Variants in PPP1R12B observed in about 807,000 individuals in gnomAD.
PPP1R12B encodes myosin phosphatase target subunit 2.
In PPP1R12B, 76 loss-of-function variants were observed where a neutral mutation model predicts 126.1. The observed-to-expected ratio is 0.60, with a 90% CI of 0.50 to 0.73. PPP1R12B has a LOEUF of 0.73. Among genes scored for constraint, PPP1R12B ranks in the 30% least tolerant of loss-of-function variants. The pLI is 0.00. For synonymous variants in PPP1R12B, 356 were observed against 434.7 expected (o/e 0.82, Z 2.25); for missense variants, 1,052 against 1,205.1 (o/e 0.87, Z 1.88).
intron 13 of PPP1R12B, among the ~76,000 whole-genome samples, chr1:202,467,221 T>TC (rs994390995): frequency 2.1e-5 from 3 of 139,976 alleles, no homozygotes; most frequent in East Asian, 2.1e-4. Context: ...TGTCTCTCTC[T>TC]TTTTTTTTTT....
At chr1:202,536,154 A>G (rs1174175805) in intron 18 of PPP1R12B, among the ~76,000 whole-genome samples, 1 of 152,202 alleles carries the variant, frequency 6.6e-6, no homozygotes, top group Non-Finnish European at 1.5e-5. Flanking sequence ...AGATAGTAAT[A>G]TGGTCACGAG....
chr1:202,436,832 C>T (rs1031650354), intron 9 of PPP1R12B, among the ~76,000 whole-genome samples: 4 of 151,798 alleles, frequency 2.6e-5, no homozygotes, highest in Admixed American at 2.0e-4. Flanking sequence ...AAAAAGATAG[C>T]AACCCTTTGA....
intron 5 of PPP1R12B, among the ~76,000 whole-genome samples, chr1:202,427,982 T>G (rs529712160): frequency 6.6e-6 from 1 of 151,882 alleles, no homozygotes; most frequent in African/African-American, 2.4e-5. Context: ...TTTTTTTTTT[T>G]TTTTAATGGT....
At chr1:202,467,236 A>G (rs1234696492) in intron 13 of PPP1R12B, among the ~76,000 whole-genome samples, 3 of 141,392 alleles carry the variant, frequency 2.1e-5, no homozygotes, top group Non-Finnish European at 4.6e-5. Context: ...TTTTTTTTTT[A>G]ATTATACTTT....
chr1:202,427,681 G>A (rs1010043830), intron 5 of PPP1R12B, among the ~76,000 whole-genome samples: 40 of 152,134 alleles, frequency 2.6e-4, no homozygotes, highest in African/African-American at 9.4e-4. Context: ...GTCTCGCTCT[G>A]TTGCCCAGGC....
intron 13 of PPP1R12B, among the ~76,000 whole-genome samples, chr1:202,449,641 A>G (rs1378592908): frequency 2.0e-5 from 3 of 151,930 alleles, no homozygotes; most frequent in Non-Finnish European, 4.4e-5. Context: ...TGGTGACTCA[A>G]TTATTTATGA....
chr1:202,480,582 T>C (rs190474185), intron 13 of PPP1R12B, among the ~76,000 whole-genome samples: 26 of 152,314 alleles, frequency 1.7e-4, no homozygotes, highest in Admixed American at 2.6e-4. Context: ...AATTTAAACT[T>C]TCAAGCAGAA....
At chr1:202,439,276 T>C in intron 10 of PPP1R12B, 3 of 1,424,312 alleles carry the variant, frequency 2.1e-6, no homozygotes, top group Non-Finnish European at 3.0e-6. Context: ...GGCAAGATAC[T>C]GGCCCAGCAG....
chr1:202,556,733 T>A (rs1443897715), intron 18 of PPP1R12B, among the ~76,000 whole-genome samples: 1 of 152,192 alleles, frequency 6.6e-6, no homozygotes, highest in South Asian at 2.1e-4. Context: ...CCTGGTTCTG[T>A]CGTGCAACTT....
intron 18 of PPP1R12B, among the ~76,000 whole-genome samples, chr1:202,499,993 GA>G (rs1294307811): frequency 6.6e-6 from 1 of 152,200 alleles, no homozygotes; most frequent in Non-Finnish European, 1.5e-5. Context: ...AGGATATAGA[GA>G]AAAAGAAACT....
chr1:202,549,109 AAT>A (rs914459985), intron 18 of PPP1R12B, among the ~76,000 whole-genome samples: 1 of 152,148 alleles, frequency 6.6e-6, no homozygotes, highest in Non-Finnish European at 1.5e-5. Context: ...AAAGTGGAAG[AAT>A]CAAAGAAAGC....
chr1:202,580,675 C>A lies in PPP1R12B; in HGVS notation c.*115C>A. The stretch of plus-strand genomic sequence containing the variant: ...TGGATGTTTTGGTGGAAGGACACTT[C>A]TTTCTATCACCCTCTTCAGTCACCT... On this transcript the variant is annotated 3_prime_UTR_variant, in exon 24 of 24. Transcript: ENST00000608999. 1.2e-6 allele frequency: 1 copy of A among 818,694 alleles called. No homozygotes were observed. The highest frequency in any genetic ancestry group is 1.5e-5 in the South Asian group (1 of 66,034). 50.7% of individuals were successfully genotyped at this position (818,694 alleles called of 1,614,324 possible). A position where few individuals can be genotyped will look rare whatever the true frequency, so the allele number is the denominator to read the frequency against.
At position 202,438,501 on chromosome 1, in the gene PPP1R12B, C is replaced by T; in HGVS notation, c.1458+477C>T. ...TGGATGGGGTGGAGGATGCAGAGGG[C>T]GAGGAGGAAGATGACCTGAAAGAGC... is the stretch of plus-strand genomic sequence containing the variant. On this transcript the variant is annotated intron_variant, in intron 10 of 23. Coordinates refer to ENST00000608999, the MANE Select transcript of PPP1R12B (RefSeq NM_002481.4). 9 of 405,444 alleles carry T rather than the reference C, an allele frequency of 2.2e-5. 1 individual carries two copies. The highest frequency in any genetic ancestry group is 3.8e-5 in the Non-Finnish European group (8 of 212,114). The allele number at this position is 405,444 out of a possible 1,614,324, so 25.1% of individuals were successfully genotyped here.
intron 1 of PPP1R12B, among the ~76,000 whole-genome samples, chr1:202,378,278 T>C: frequency 6.7e-6 from 1 of 149,594 alleles, no homozygotes; most frequent in Non-Finnish European, 1.5e-5. Context: ...TGGTCTTTAT[T>C]CTTAAAAATG....
chr1:202,464,175 G>C (rs1328141276), intron 13 of PPP1R12B, among the ~76,000 whole-genome samples: 3 of 152,064 alleles, frequency 2.0e-5, no homozygotes, highest in African/African-American at 7.2e-5. Context: ...ACTGTCTTAG[G>C]ATTGGTTTAC....
intron 13 of PPP1R12B, among the ~76,000 whole-genome samples, chr1:202,451,959 G>T (rs1673011731): frequency 6.6e-6 from 1 of 151,922 alleles, no homozygotes; most frequent in Non-Finnish European, 1.5e-5. Flanking sequence ...CGGGGCGGCT[G>T]CTGGGCGGAG....
At chr1:202,398,799 A>G (rs901805517) in intron 1 of PPP1R12B, among the ~76,000 whole-genome samples, 2 of 151,960 alleles carry the variant, frequency 1.3e-5, no homozygotes, top group African/African-American at 2.4e-5. Context: ...CTGAAAAAGC[A>G]TACTTCTCTC....
chr1:202,376,954 A>G (rs1661265625), intron 1 of PPP1R12B, among the ~76,000 whole-genome samples: 1 of 152,164 alleles, frequency 6.6e-6, no homozygotes, highest in Non-Finnish European at 1.5e-5. Context: ...TTCTTAAAAC[A>G]TTATGAGATT....
At chr1:202,548,808 C>CTCTCTCTCTA (rs1218548068) in intron 18 of PPP1R12B, among the ~76,000 whole-genome samples, 13 of 72,992 alleles carry the variant, frequency 1.8e-4, no homozygotes, top group South Asian at 1.2e-3. Flanking sequence ...CTCTCTCTCT[C>CTCTCTCTCTA]TATATATATA....
Sources: allele counts gnomAD v4.1 joint callset (sites outside exome capture counted in the v4.1 genomes callset), GRCh38; gene constraint gnomAD v4.1.1; transcripts MANE v1.5; gene names NCBI Gene and HGNC (gene_info 2026-07-23, HGNC 2026-07-21).